SFMBT2: variants seen among roughly 807,000 people sequenced by gnomAD.
SFMBT2 encodes Scm like with four mbt domains 2.
Under a neutral mutation model 110.1 loss-of-function variants are expected in SFMBT2, and 38 were observed. The ratio of observed to expected loss-of-function variants is 0.35; its 90% CI spans 0.27 to 0.45. The LOEUF (loss-of-function observed/expected upper bound fraction) is 0.45. SFMBT2 is among the 20% of genes least tolerant of loss of function. The pLI, the probability that SFMBT2 is intolerant of heterozygous loss-of-function variation, is 1.00. For synonymous variants in SFMBT2, 425 were observed against 425.4 expected, an observed-to-expected ratio of 1.00 and a Z score of 0.01; for missense variants, 1,011 against 1,094.9, an observed-to-expected ratio of 0.92 and a Z score of 1.08.
chr10:7,357,564 C>T (rs1844561274), intron 4 of SFMBT2, among the ~76,000 whole-genome samples: 1 of 152,204 alleles, frequency 6.6e-6, no homozygotes, highest in Admixed American at 6.5e-5. Flanking sequence ...AGATTTTGGG[C>T]TCACTGGTCA....
chr10:7,286,799 A>T (rs1049900781), intron 4 of SFMBT2, among the ~76,000 whole-genome samples: 1 of 152,158 alleles, frequency 6.6e-6, no homozygotes, highest in Non-Finnish European at 1.5e-5. Flanking sequence ...CTGCACTGCA[A>T]ATGGTCACAC....
intron 6 of SFMBT2, among the ~76,000 whole-genome samples, chr10:7,283,267 T>C (rs1249586550): frequency 1.3e-5 from 2 of 152,232 alleles, no homozygotes; most frequent in Non-Finnish European, 2.9e-5. Flanking sequence ...CAGGATTCTT[T>C]CCAATTAAGC....
chr10:7,244,739 T>G (rs566317770), intron 8 of SFMBT2, among the ~76,000 whole-genome samples: 26 of 152,356 alleles, frequency 1.7e-4, no homozygotes, highest in African/African-American at 5.3e-4. Flanking sequence ...TACAAAGCTA[T>G]GATTCCTGGC....
At chr10:7,236,869 T>C (rs559763466) in intron 9 of SFMBT2, among the ~76,000 whole-genome samples, 3 of 151,996 alleles carry the variant, frequency 2.0e-5, no homozygotes, top group Non-Finnish European at 2.9e-5. Context: ...GTGAAGCACA[T>C]TGCTGAGAAA....
At chr10:7,266,112 C>T (rs1399490459) in intron 7 of SFMBT2, among the ~76,000 whole-genome samples, 1 of 150,820 alleles carries the variant, frequency 6.6e-6, no homozygotes, top group Admixed American at 6.6e-5. Context: ...TTCTTTGAGA[C>T]AGAGTCTTGC....
At chr10:7,389,768 A>G (rs72775571) in intron 1 of SFMBT2, among the ~76,000 whole-genome samples, 3,905 of 152,222 alleles carry the variant, frequency 0.026, 90 homozygotes, top group Non-Finnish European at 0.038. Flanking sequence ...AGATGCAATC[A>G]CCCCTTTCAA....
chr10:7,173,309 T>G (rs1485663371), intron 17 of SFMBT2, among the ~76,000 whole-genome samples: 1 of 152,202 alleles, frequency 6.6e-6, no homozygotes, highest in East Asian at 1.9e-4. Context: ...CGGAGTGCTC[T>G]GACACCTGCT....
chr10:7,368,066 A>T (rs1319246329), intron 3 of SFMBT2, among the ~76,000 whole-genome samples, 177 bp from the exon 4 acceptor site: 2 of 152,234 alleles, frequency 1.3e-5, no homozygotes, highest in Non-Finnish European at 2.9e-5. Flanking sequence ...GCTAAACTTT[A>T]CATTTGCAGC....
chr10:7,280,106 G>A (rs1028577490), intron 6 of SFMBT2, among the ~76,000 whole-genome samples: 1 of 152,172 alleles, frequency 6.6e-6, no homozygotes, highest in Non-Finnish European at 1.5e-5. Flanking sequence ...GATCTACTAT[G>A]TGAGGACACA....
chr10:7,310,026 C>A (rs1842806743), intron 4 of SFMBT2, among the ~76,000 whole-genome samples: 1 of 152,172 alleles, frequency 6.6e-6, no homozygotes, highest in Non-Finnish European at 1.5e-5. Flanking sequence ...ACCCCGGGTC[C>A]TACACACTAA....
intron 4 of SFMBT2, among the ~76,000 whole-genome samples, chr10:7,320,833 A>T (rs1843162890): frequency 6.6e-6 from 1 of 151,990 alleles, no homozygotes; most frequent in African/African-American, 2.4e-5. Context: ...AAAATTACTG[A>T]CTCTGTAGCT....
rs749288928 is a variant in SFMBT2, at chr10:7,188,712, C to A, written c.1720G>T (p.Ala574Ser). 2 of 1,612,408 alleles carry A rather than the reference C, an allele frequency of 1.2e-6. No individual in the cohort carries two copies. Among genetic ancestry groups the A allele is most frequent in the East Asian group, 4.5e-5 (2 of 44,836 alleles). The change falls in exon 16 of 21, where the codon GCA becomes TCA. Residue 574 changes from alanine (A) to serine (S), a missense_variant. Transcript: ENST00000397167. Reference protein sequence around the residue: ...LKEVLSMIINAAYKPGRVLRE... With the variant: ...LKEVLSMIINSAYKPGRVLRE... ...AATACCCTTCCAGGCTTGTAGGCTGCGTTGATTATCATGCTAAGAACCTTT... is the reference window on the plus strand; with the variant it reads ...AATACCCTTCCAGGCTTGTAGGCTGAGTTGATTATCATGCTAAGAACCTTT...
chr10:7,285,092 C>G (rs1038631783), intron 5 of SFMBT2: 2 of 152,198 alleles, frequency 1.3e-5, no homozygotes, highest in Non-Finnish European at 2.9e-5. Flanking sequence ...ATGATACTGT[C>G]AAAATCCACA....
At chr10:7,295,516 C>A (rs1842382894) in intron 4 of SFMBT2, among the ~76,000 whole-genome samples, 1 of 152,218 alleles carries the variant, frequency 6.6e-6, no homozygotes, top group Non-Finnish European at 1.5e-5. Context: ...ATACAACTTG[C>A]TGAATTCAGA....
intron 5 of SFMBT2, chr10:7,284,479 G>T: frequency 9.7e-7 from 1 of 1,027,152 alleles, no homozygotes; most frequent in Non-Finnish European, 1.2e-6. Context: ...TTTAAGAAGA[G>T]TTCTACCCAA....
rs560152334 is a variant in SFMBT2 at position 7,164,426 on chromosome 10, G to C, written c.2545-516C>G. Reference sequence around the variant, plus strand: ...CAACAATACAAATACAAGAGCTTTTGGCTAAGGGCACTCTGGCTACTCTGA... The same window carrying C: ...CAACAATACAAATACAAGAGCTTTTCGCTAAGGGCACTCTGGCTACTCTGA... On this transcript the variant is annotated intron_variant, in intron 20 of 20. Transcript: ENST00000397167. 19 of 985,028 alleles carry C rather than the reference G, an allele frequency of 1.9e-5. No homozygotes were observed. In the South Asian group the frequency reaches 6.1e-4, roughly 32 times the overall value. 61.0% of individuals were successfully genotyped at this position (985,028 alleles called of 1,614,324 possible). A position where few individuals can be genotyped will look rare whatever the true frequency, so the allele number is the denominator to read the frequency against.
intron 6 of SFMBT2, among the ~76,000 whole-genome samples, chr10:7,278,555 GC>G (rs1841852588): frequency 6.6e-6 from 1 of 152,178 alleles, no homozygotes; most frequent in African/African-American, 2.4e-5. Flanking sequence ...ATAAACACAT[GC>G]CCCTTTCCAG....
At chr10:7,176,305 T>C (rs1838053406) in intron 16 of SFMBT2, 140 bp from the exon 17 acceptor site, 1 of 1,063,356 alleles carries the variant, frequency 9.4e-7, no homozygotes, top group Non-Finnish European at 1.3e-6. Context: ...GTTGCTTCTG[T>C]TATTTCTCAC....
intron 4 of SFMBT2, chr10:7,329,410 C>G (rs1843497320): frequency 3.1e-6 from 3 of 982,276 alleles, no homozygotes. Flanking sequence ...CGCAGCACAG[C>G]ACGGGTGCTA....
Sources: allele counts gnomAD v4.1 joint callset (sites outside exome capture counted in the v4.1 genomes callset), GRCh38; gene constraint gnomAD v4.1.1; transcripts MANE v1.5; gene names NCBI Gene and HGNC (gene_info 2026-07-23, HGNC 2026-07-21).